Variants in GPR15LG observed in about 807,000 individuals in gnomAD.
GPR15LG encodes protein GPR15LG.
chr10:84,182,742 C>A, the GPR15LG span, among the ~76,000 whole-genome samples: 1 of 152,156 alleles, frequency 6.6e-6, no homozygotes, highest in African/African-American at 2.4e-5. Context: ...CAAATAGACT[C>A]CCTATCATGA....
the GPR15LG span, among the ~76,000 whole-genome samples, chr10:84,182,281 G>A: frequency 0.24 from 35,802 of 152,130 alleles, 4,658 homozygotes; most frequent in African/African-American, 0.35. Flanking sequence ...AGTGAAAGGG[G>A]CCTCAGACCC....
At chr10:84,177,288 G>T in the GPR15LG span, among the ~76,000 whole-genome samples, 1 of 152,230 alleles carries the variant, frequency 6.6e-6, no homozygotes, top group Non-Finnish European at 1.5e-5. Context: ...TGCAGGCCCA[G>T]AGCAGATATT....
chr10:84,175,604 A>C, the GPR15LG span, among the ~76,000 whole-genome samples: 2 of 152,324 alleles, frequency 1.3e-5, no homozygotes, highest in Middle Eastern at 3.4e-3. Flanking sequence ...TCCAGGGCTC[A>C]AGCAATACTC....
chr10:84,181,154 G>A, the GPR15LG span, among the ~76,000 whole-genome samples: 2 of 137,694 alleles, frequency 1.5e-5, no homozygotes, highest in Non-Finnish European at 3.1e-5. Flanking sequence ...GGAGAGGGCT[G>A]GGCTCAGCAT....
the GPR15LG span, chr10:84,184,704 C>A: frequency 6.2e-7 from 1 of 1,614,086 alleles, no homozygotes; most frequent in Non-Finnish European, 8.5e-7. Flanking sequence ...GCTCTGTAAA[C>A]CATGCAAGCT....
chr10:84,180,087 C>T, the GPR15LG span, among the ~76,000 whole-genome samples: 4 of 152,160 alleles, frequency 2.6e-5, no homozygotes, highest in Non-Finnish European at 5.9e-5. Flanking sequence ...TGACTCTTAA[C>T]GAGTATGCTG....
At chr10:84,180,684 T>TTGAA in the GPR15LG span, among the ~76,000 whole-genome samples, 29 of 152,030 alleles carry the variant, frequency 1.9e-4, no homozygotes, top group African/African-American at 7.0e-4. Context: ...CTAGACGGGG[T>TTGAA]GGCGGCCGGG....
the GPR15LG span, among the ~76,000 whole-genome samples, chr10:84,177,571 T>A: frequency 2.0e-5 from 3 of 152,216 alleles, no homozygotes; most frequent in African/African-American, 7.2e-5. Flanking sequence ...TCAGCTGTGA[T>A]GCAGGAGAGG....
the GPR15LG span, chr10:84,185,004 C>G: frequency 7.3e-7 from 1 of 1,361,340 alleles, no homozygotes; most frequent in Non-Finnish European, 9.4e-7. Context: ...TCAGTCGCCA[C>G]CATGTGGGCC....
At chr10:84,181,288 T>C in the GPR15LG span, among the ~76,000 whole-genome samples, 1 of 151,604 alleles carries the variant, frequency 6.6e-6, no homozygotes. Flanking sequence ...CATGTTGACC[T>C]GACTGGTCTC....
the GPR15LG span, among the ~76,000 whole-genome samples, chr10:84,178,625 A>G: frequency 6.6e-6 from 1 of 152,046 alleles, no homozygotes; most frequent in Admixed American, 6.6e-5. Flanking sequence ...CACAGCACAC[A>G]CACACTACAC....
the GPR15LG span, among the ~76,000 whole-genome samples, chr10:84,174,340 C>T: frequency 6.6e-6 from 1 of 152,170 alleles, no homozygotes; most frequent in East Asian, 1.9e-4. Context: ...CTGAACATCC[C>T]AAAACCTCAT....
the GPR15LG span, among the ~76,000 whole-genome samples, chr10:84,180,087 C>A: frequency 7.2e-5 from 11 of 152,160 alleles, no homozygotes; most frequent in Non-Finnish European, 1.6e-4. Flanking sequence ...TGACTCTTAA[C>A]GAGTATGCTG....
At chr10:84,183,738 C>T in the GPR15LG span, among the ~76,000 whole-genome samples, 25 of 152,050 alleles carry the variant, frequency 1.6e-4, no homozygotes, top group African/African-American at 6.0e-4. Context: ...CCTCACCTCC[C>T]AGGCTCAGGT....
the GPR15LG span, chr10:84,173,855 A>G: frequency 4.3e-6 from 7 of 1,612,606 alleles, no homozygotes; most frequent in Non-Finnish European, 5.9e-6. Context: ...TCTCACCATG[A>G]GGCTTCTAGT....
At chr10:84,180,864 C>T in the GPR15LG span, among the ~76,000 whole-genome samples, 2 of 152,256 alleles carry the variant, frequency 1.3e-5, no homozygotes, top group Non-Finnish European at 2.9e-5. Context: ...GCTGGCAGAT[C>T]ACTCGTGGTC....
At chr10:84,178,374 A>T in the GPR15LG span, among the ~76,000 whole-genome samples, 2 of 151,404 alleles carry the variant, frequency 1.3e-5, no homozygotes, top group Non-Finnish European at 2.9e-5. Flanking sequence ...ACACACGTAT[A>T]CCAGACACAG....
At chr10:84,176,488 C>T in the GPR15LG span, 30 of 1,612,474 alleles carry the variant, frequency 1.9e-5, no homozygotes, top group Admixed American at 5.0e-5. Context: ...AGGGAAGAGG[C>T]GTCCTGCCAA....
chr10:84,181,474 G>A, the GPR15LG span, among the ~76,000 whole-genome samples: 1 of 152,200 alleles, frequency 6.6e-6, no homozygotes, highest in African/African-American at 2.4e-5. Flanking sequence ...CACCCAGGCT[G>A]GAGTGCAGTG....
Sources: allele counts gnomAD v4.1 joint callset (sites outside exome capture counted in the v4.1 genomes callset), GRCh38; gene constraint gnomAD v4.1.1; transcripts MANE v1.5; gene names NCBI Gene and HGNC (gene_info 2026-07-23, HGNC 2026-07-21).